The following CCDC73 variants were observed in gnomAD, a reference collection of about 807,000 sequenced individuals.
CCDC73 encodes the protein coiled-coil domain containing 73.
In CCDC73, 95 loss-of-function variants were observed where a neutral mutation model predicts 116.5. That is an observed-to-expected ratio of 0.82 (90% confidence interval 0.69 to 0.97). The LOEUF is 0.97. Among genes scored for constraint, CCDC73 ranks in the 50% least tolerant of loss-of-function variants. The pLI is 0.00. For synonymous variants in CCDC73, 398 were observed against 401.3 expected, an observed-to-expected ratio of 0.99 and a Z score of 0.10; for missense variants, 1,066 against 1,206.8, an observed-to-expected ratio of 0.88 and a Z score of 1.73.
At chr11:32,802,785 C>G in the CCDC73 span, among the ~76,000 whole-genome samples, 1 of 152,196 alleles carries the variant, frequency 6.6e-6, no homozygotes, top group Admixed American at 6.5e-5. Flanking sequence ...CAGAGTCTTG[C>G]TCTGTTGCCC....
chr11:32,830,122 C>T, the CCDC73 span: 1 of 996,948 alleles, frequency 1.0e-6, no homozygotes, highest in Non-Finnish European at 1.2e-6. Flanking sequence ...GGAACCGCCC[C>T]AAGAAGAGCC....
intron 13 of CCDC73, among the ~76,000 whole-genome samples, chr11:32,636,206 T>A (rs1230978432): frequency 6.6e-6 from 1 of 152,118 alleles, no homozygotes; most frequent in African/African-American, 2.4e-5. Flanking sequence ...CATAAAAAAA[T>A]TTATTTAAAT....
intron 1 of CCDC73, among the ~76,000 whole-genome samples, chr11:32,780,692 G>A (rs1850576015): frequency 6.6e-6 from 1 of 152,184 alleles, no homozygotes; most frequent in Non-Finnish European, 1.5e-5. Flanking sequence ...AACGGCTAAT[G>A]TTTGTTGAGC....
At chr11:32,622,199 T>C (rs1590549269) in intron 14 of CCDC73, among the ~76,000 whole-genome samples, 1 of 152,174 alleles carries the variant, frequency 6.6e-6, no homozygotes, top group East Asian at 1.9e-4. Context: ...GTTATAAAGA[T>C]ACATGCACAC....
intron 2 of CCDC73, among the ~76,000 whole-genome samples, chr11:32,734,425 C>CTTT (rs34093038): frequency 1.5e-5 from 2 of 131,368 alleles, no homozygotes; most frequent in Non-Finnish European, 3.3e-5. Flanking sequence ...ATTTTTTTTT[C>CTTT]TTTTTTTTTT....
At chr11:32,751,386 C>T (rs911495218) in intron 2 of CCDC73, among the ~76,000 whole-genome samples, 2 of 152,130 alleles carry the variant, frequency 1.3e-5, no homozygotes, top group African/African-American at 4.8e-5. Flanking sequence ...GGCTCTGAGA[C>T]CAGTACAGCA....
intron 12 of CCDC73, among the ~76,000 whole-genome samples, chr11:32,642,463 G>T (rs1855741940): frequency 6.6e-6 from 1 of 151,792 alleles, no homozygotes. Context: ...TCCATTATCT[G>T]TTTATTTTAG....
At chr11:32,793,346 G>A (rs556886620) in intron 1 of CCDC73, among the ~76,000 whole-genome samples, 1 of 152,150 alleles carries the variant, frequency 6.6e-6, no homozygotes, top group South Asian at 2.1e-4. Context: ...CTGATTCTCA[G>A]GTTGGGATAT....
intron 1 of CCDC73, among the ~76,000 whole-genome samples, chr11:32,789,129 T>C (rs1850651585): frequency 6.6e-6 from 1 of 152,196 alleles, no homozygotes; most frequent in South Asian, 2.1e-4. Context: ...TTAGGCTACT[T>C]ATAATTCCAA....
intron 3 of CCDC73, among the ~76,000 whole-genome samples, chr11:32,713,774 T>C (rs1554966352): frequency 6.6e-6 from 1 of 152,080 alleles, no homozygotes; most frequent in Non-Finnish European, 1.5e-5. Flanking sequence ...CTGAACATTA[T>C]ATTCAATCAG....
chr11:32,776,936 A>ATATATAT (rs1554970184), intron 1 of CCDC73, among the ~76,000 whole-genome samples: 2 of 36,464 alleles, frequency 5.5e-5, no homozygotes, highest in Non-Finnish European at 1.2e-4. Flanking sequence ...AAAAAAAAAA[A>ATATATAT]ATATATATAT....
intron 1 of CCDC73, among the ~76,000 whole-genome samples, chr11:32,793,113 C>A (rs923056431): frequency 5.3e-5 from 8 of 152,230 alleles, no homozygotes; most frequent in African/African-American, 1.9e-4. Context: ...CTTCCTGACA[C>A]TACGATATGA....
chr11:32,665,160 G>A (rs1855968644), intron 9 of CCDC73, among the ~76,000 whole-genome samples: 1 of 152,192 alleles, frequency 6.6e-6, no homozygotes, highest in South Asian at 2.1e-4. Flanking sequence ...GAGTTCTGTA[G>A]ATGTCTATTA....
chr11:32,675,834 C>CT, intron 8 of CCDC73, 52 bp downstream of exon 8: 1 of 1,427,722 alleles, frequency 7.0e-7, no homozygotes, highest in Non-Finnish European at 9.5e-7. Context: ...GTAAATAAGT[C>CT]CATTCAAACA....
intron 2 of CCDC73, among the ~76,000 whole-genome samples, chr11:32,728,307 T>C (rs1315234057): frequency 1.3e-5 from 2 of 152,208 alleles, no homozygotes; most frequent in Non-Finnish European, 2.9e-5. Flanking sequence ...TATCTATTTA[T>C]TTAATCATTT....
intron 2 of CCDC73, among the ~76,000 whole-genome samples, chr11:32,741,507 C>CT (rs927872795): frequency 9.2e-5 from 14 of 152,054 alleles, no homozygotes; most frequent in Admixed American, 9.2e-4. Context: ...TACTCCTGCT[C>CT]TTTTTTGGTT....
chr11:32,671,574 T>G (rs1856038516), intron 9 of CCDC73, among the ~76,000 whole-genome samples: 1 of 152,114 alleles, frequency 6.6e-6, no homozygotes, highest in Non-Finnish European at 1.5e-5. Flanking sequence ...TTCTGAAAGT[T>G]AACAAAAAAA....
intron 17 of CCDC73, chr11:32,604,743 G>C (rs1855323452): frequency 6.6e-6 from 1 of 152,204 alleles, no homozygotes; most frequent in South Asian, 2.1e-4. Flanking sequence ...ATAAATCTTT[G>C]TGAAGATCTT....
intron 1 of CCDC73, among the ~76,000 whole-genome samples, chr11:32,767,337 C>G (rs987311020): frequency 7.9e-5 from 12 of 152,178 alleles, no homozygotes; most frequent in Non-Finnish European, 1.2e-4. Context: ...GGATTAAAGA[C>G]GTAAATGTTA....
Sources: allele counts gnomAD v4.1 joint callset (sites outside exome capture counted in the v4.1 genomes callset), GRCh38; gene constraint gnomAD v4.1.1; transcripts MANE v1.5; gene names NCBI Gene and HGNC (gene_info 2026-07-23, HGNC 2026-07-21).